Variants in FRMD4A observed in about 807,000 individuals in gnomAD.
FRMD4A encodes FERM domain containing 4A.
FRMD4A carries 29 observed loss-of-function variants against 129.1 expected under a neutral mutation model. The observed-to-expected ratio is 0.22, with a 90% confidence interval of 0.17 to 0.31. The LOEUF is 0.31. Among genes scored for constraint, FRMD4A ranks in the 10% least tolerant of loss-of-function variants. The probability of loss-of-function intolerance (pLI) is 1.00; values close to 1 mark genes in which losing one functional copy is unlikely to be tolerated. For missense variants in FRMD4A, 1,272 were observed against 1,375.8 expected, an observed-to-expected ratio of 0.92 and a Z score of 1.19; for synonymous variants, 634 against 571.6, an observed-to-expected ratio of 1.11 and a Z score of -1.56.
chr10:13,643,854 TTTCA>T lies in FRMD4A; in HGVS notation c.*3180_*3183del, dbSNP rs2080957677. On this transcript the variant is annotated 3_prime_UTR_variant, in exon 25 of 25. Coordinates refer to ENST00000357447, the MANE Select transcript of FRMD4A (RefSeq NM_018027.5). ...CAACTTTGTCTACAACGTACATCTT[TTTCA>T]TTGATTACAGTTGAACAGAATCCAG... The T allele has an allele frequency of 6.5e-6, 1 of 152,686 alleles. No individual in the cohort carries two copies. The highest frequency in any genetic ancestry group is 1.5e-5 in the Non-Finnish European group (1 of 68,050). 9.5% of individuals were successfully genotyped at this position (152,686 alleles called of 1,614,324 possible).
chr10:14,028,054 T>C (rs1220425936), intron 2 of FRMD4A, among the ~76,000 whole-genome samples: 1 of 152,244 alleles, frequency 6.6e-6, no homozygotes, highest in East Asian at 1.9e-4. Context: ...TATCGGTATA[T>C]GAGAACATGG....
intron 2 of FRMD4A, among the ~76,000 whole-genome samples, chr10:13,918,164 G>A (rs1472289250): frequency 1.3e-5 from 2 of 152,106 alleles, no homozygotes; most frequent in Non-Finnish European, 2.9e-5. Flanking sequence ...TCCATTGTCT[G>A]TTTCCCTGTA....
intron 2 of FRMD4A, among the ~76,000 whole-genome samples, chr10:14,174,317 C>T (rs1262123049): frequency 6.6e-6 from 1 of 152,184 alleles, no homozygotes; most frequent in Non-Finnish European, 1.5e-5. Flanking sequence ...CTCCCTCTCT[C>T]TTTCCATAAT....
chr10:14,188,734 G>A (rs1322372810), intron 2 of FRMD4A, among the ~76,000 whole-genome samples: 7 of 152,298 alleles, frequency 4.6e-5, no homozygotes, highest in Middle Eastern at 3.4e-3. Context: ...GTGAGACCCC[G>A]TCCCTACGAA....
intron 2 of FRMD4A, among the ~76,000 whole-genome samples, chr10:13,954,543 G>C (rs2095396345): frequency 6.6e-6 from 1 of 152,168 alleles, no homozygotes; most frequent in Non-Finnish European, 1.5e-5. Context: ...TTCAAGATGA[G>C]ATTTGGGTGG....
chr10:13,927,661 G>GCTA (rs1162287331), intron 2 of FRMD4A, among the ~76,000 whole-genome samples: 16 of 152,194 alleles, frequency 1.1e-4, no homozygotes. Flanking sequence ...CACAAGTGAT[G>GCTA]CTAGCATGAT....
chr10:13,883,798 G>A (rs1194382092), intron 2 of FRMD4A, among the ~76,000 whole-genome samples: 2 of 152,080 alleles, frequency 1.3e-5, no homozygotes, highest in African/African-American at 2.4e-5. Flanking sequence ...ATGGCCATAC[G>A]CTGTCCCTTA....
chr10:13,993,898 G>A (rs1221336471), intron 2 of FRMD4A, among the ~76,000 whole-genome samples: 2 of 151,806 alleles, frequency 1.3e-5, no homozygotes. Context: ...TGCTGCAGCT[G>A]GAGGGCCTGA....
chr10:13,903,068 C>T (rs765700049), intron 2 of FRMD4A, among the ~76,000 whole-genome samples: 2 of 152,124 alleles, frequency 1.3e-5, no homozygotes, highest in South Asian at 2.1e-4. Context: ...TACGCTTGTG[C>T]TAGCCCCAGG....
intron 2 of FRMD4A, among the ~76,000 whole-genome samples, chr10:13,995,800 C>T (rs1000257597): frequency 2.0e-5 from 3 of 151,338 alleles, no homozygotes; most frequent in Middle Eastern, 3.4e-3. Context: ...GACAAGTGCC[C>T]GTATGCATTT....
intron 13 of FRMD4A, among the ~76,000 whole-genome samples, chr10:13,704,351 T>G (rs1256560250): frequency 3.9e-5 from 6 of 152,264 alleles, no homozygotes; most frequent in Admixed American, 2.0e-4. Context: ...GCAGGCTAAC[T>G]CAGTGTACTC....
chr10:14,122,546 G>A (rs556923682), intron 2 of FRMD4A, among the ~76,000 whole-genome samples: 9 of 150,858 alleles, frequency 6.0e-5, no homozygotes, highest in East Asian at 3.9e-4. Flanking sequence ...TTACAATCAC[G>A]GCAGAATGTG....
intron 2 of FRMD4A, among the ~76,000 whole-genome samples, chr10:14,071,985 G>A (rs912947253): frequency 1.3e-5 from 2 of 152,126 alleles, no homozygotes; most frequent in African/African-American, 2.4e-5. Flanking sequence ...AGAGGACTGT[G>A]ACCAACATTT....
intron 2 of FRMD4A, among the ~76,000 whole-genome samples, chr10:13,962,553 T>G (rs1402295438): frequency 6.6e-6 from 1 of 152,164 alleles, no homozygotes; most frequent in Non-Finnish European, 1.5e-5. Flanking sequence ...TTCAAGGGAA[T>G]AGCAGAGCAA....
At chr10:13,684,573 C>T (rs573570707) in intron 15 of FRMD4A, 2 of 985,488 alleles carry the variant, frequency 2.0e-6, no homozygotes, top group South Asian at 9.4e-5. Context: ...CTCTTTCAGC[C>T]TCATTCAGCC....
intron 2 of FRMD4A, among the ~76,000 whole-genome samples, chr10:13,965,177 A>G (rs951695652): frequency 1.6e-4 from 24 of 151,644 alleles, no homozygotes; most frequent in African/African-American, 5.6e-4. Context: ...TAATCAAGTT[A>G]CGGTGAGCTG....
intron 2 of FRMD4A, among the ~76,000 whole-genome samples, chr10:14,307,517 C>T (rs1024837425): frequency 6.6e-6 from 1 of 152,204 alleles, no homozygotes; most frequent in Non-Finnish European, 1.5e-5. Context: ...CCATCCAGAG[C>T]CAGAACTACA....
intron 2 of FRMD4A, among the ~76,000 whole-genome samples, chr10:14,024,395 C>T (rs951487380): frequency 1.3e-5 from 2 of 152,224 alleles, no homozygotes; most frequent in Admixed American, 1.3e-4. Flanking sequence ...AGCTCAAAGT[C>T]TTCCAGCTTG....
intron 2 of FRMD4A, among the ~76,000 whole-genome samples, chr10:13,937,677 T>A (rs2095259748): frequency 6.6e-6 from 1 of 152,174 alleles, no homozygotes; most frequent in Admixed American, 6.5e-5. Context: ...TGATGAAGAT[T>A]AATAAAACTG....
Sources: allele counts gnomAD v4.1 joint callset (sites outside exome capture counted in the v4.1 genomes callset), GRCh38; gene constraint gnomAD v4.1.1; transcripts MANE v1.5; gene names NCBI Gene and HGNC (gene_info 2026-07-23, HGNC 2026-07-21).